RGS6: variants seen among roughly 807,000 people sequenced by gnomAD.
RGS6 encodes the protein regulator of G-protein signaling 6.
A neutral mutation model predicts 78.5 loss-of-function variants in RGS6; 30 were observed. The ratio of observed to expected loss-of-function variants is 0.38; its 90% CI spans 0.29 to 0.52. The LOEUF (loss-of-function observed/expected upper bound fraction) is 0.52, where lower values mean the gene tolerates loss of function less well. Among genes scored for constraint, RGS6 ranks in the 20% least tolerant of loss-of-function variants. The pLI is 0.85. For missense variants in RGS6, 495 were observed against 609.7 expected (o/e 0.81, Z 1.98); for synonymous variants, 206 against 206.0 (o/e 1.00, Z 0.00).
chr14:72,043,192 A>T (rs753322343), intron 2 of RGS6, among the ~76,000 whole-genome samples: 7 of 152,058 alleles, frequency 4.6e-5, no homozygotes, highest in South Asian at 2.1e-4. Flanking sequence ...CCTGATTCGT[A>T]GTCTGCATAG....
At chr14:72,459,593 G>C (rs1421116768) in intron 5 of RGS6, 39 bp from the exon 6 acceptor site, 1 of 1,610,508 alleles carries the variant, frequency 6.2e-7, no homozygotes, top group Non-Finnish European at 8.5e-7. Context: ...GCGCAGGCAT[G>C]GCGCGCCCCT....
chr14:71,978,873 G>T (rs965314869), intron 2 of RGS6, among the ~76,000 whole-genome samples: 2 of 146,762 alleles, frequency 1.4e-5, no homozygotes, highest in African/African-American at 5.0e-5. Context: ...GTAGAATTCC[G>T]CTGTGAATCC....
chr14:72,154,276 A>G (rs546628390), intron 2 of RGS6, among the ~76,000 whole-genome samples: 2 of 152,072 alleles, frequency 1.3e-5, no homozygotes, highest in East Asian at 1.9e-4. Context: ...CACTGATTTC[A>G]TATTGTTCAA....
chr14:72,195,122 C>G (rs1028774523), intron 2 of RGS6, among the ~76,000 whole-genome samples: 8 of 151,964 alleles, frequency 5.3e-5, no homozygotes, highest in African/African-American at 1.9e-4. Flanking sequence ...GCAGGAAAAT[C>G]GCTTGAGCCC....
rs540955704 is a variant in RGS6, at chr14:72,215,023, T to A, written c.85-137072T>A. ...TCTATTTTCTGGTCTATGACTGTCA[T>A]CAGGACACTGTGAAGCCTTTCCTTT... On this transcript the variant is annotated intron_variant, in intron 2 of 17. Coordinates refer to ENST00000553525, the MANE Select transcript of RGS6 (RefSeq NM_001204424.2). 8.9e-4 allele frequency among the ~76,000 whole-genome samples: 135 copies of A among 152,194 alleles called. 2 individuals carry two copies. The highest frequency in any genetic ancestry group is 6.8e-3 in the Middle Eastern group (2 of 294).
intron 3 of RGS6, among the ~76,000 whole-genome samples, chr14:72,357,046 G>A (rs771504863): frequency 4.6e-5 from 7 of 152,126 alleles, no homozygotes; most frequent in Non-Finnish European, 7.4e-5. Context: ...CATGGCAGGT[G>A]GATCATTTGA....
At chr14:72,292,343 C>T (rs1371547559) in intron 2 of RGS6, among the ~76,000 whole-genome samples, 1 of 152,168 alleles carries the variant, frequency 6.6e-6, no homozygotes, top group Non-Finnish European at 1.5e-5. Flanking sequence ...TCACACACAG[C>T]CAGAAGTGAC....
the RGS6 span, among the ~76,000 whole-genome samples, chr14:71,901,518 A>G: frequency 6.6e-6 from 1 of 152,170 alleles, no homozygotes; most frequent in Admixed American, 6.5e-5. Context: ...ATGGCTACCT[A>G]TTGGTCTTTC....
At chr14:71,970,755 C>T (rs926598658) in intron 2 of RGS6, among the ~76,000 whole-genome samples, 1 of 152,098 alleles carries the variant, frequency 6.6e-6, no homozygotes, top group African/African-American at 2.4e-5. Context: ...CTGAATGAGC[C>T]CACAGGCCAG....
chr14:72,057,248 A>AGGTTTCAG (rs925661999), intron 2 of RGS6, among the ~76,000 whole-genome samples: 5 of 132,894 alleles, frequency 3.8e-5, no homozygotes, highest in African/African-American at 1.4e-4. Context: ...TGGGAGGCAG[A>AGGTTTCAG]GGTTTCAGTG....
intron 3 of RGS6, among the ~76,000 whole-genome samples, chr14:72,399,400 TC>T (rs1207935814): frequency 6.6e-6 from 1 of 152,068 alleles, no homozygotes; most frequent in Admixed American, 6.6e-5. Context: ...TCTTCCTCCA[TC>T]CCTTTATTTT....
intron 3 of RGS6, among the ~76,000 whole-genome samples, chr14:72,415,008 A>G (rs955885593): frequency 6.6e-6 from 1 of 152,176 alleles, no homozygotes; most frequent in Non-Finnish European, 1.5e-5. Context: ...TCAGGGACCC[A>G]CTTGAGGAGG....
At chr14:72,016,977 AAT>A (rs2087153152) in intron 2 of RGS6, among the ~76,000 whole-genome samples, 1 of 152,074 alleles carries the variant, frequency 6.6e-6, no homozygotes, top group East Asian at 1.9e-4. Flanking sequence ...AGAATTTTGT[AAT>A]TTTTGCCATA....
chr14:72,041,098 ATTTATTTTAT>A (rs2092359798), intron 2 of RGS6, among the ~76,000 whole-genome samples: 1 of 151,730 alleles, frequency 6.6e-6, no homozygotes, highest in South Asian at 2.1e-4. Context: ...GCTTTTGGAG[ATTTATTTTAT>A]TCCTTTGATT....
intron 2 of RGS6, among the ~76,000 whole-genome samples, chr14:72,103,359 A>C (rs1246607769): frequency 6.6e-6 from 1 of 152,248 alleles, no homozygotes; most frequent in Non-Finnish European, 1.5e-5. Context: ...ATGATTTTTA[A>C]ATTAACTTTT....
intron 2 of RGS6, among the ~76,000 whole-genome samples, chr14:72,253,057 G>A (rs1028784294): frequency 3.9e-5 from 6 of 152,218 alleles, no homozygotes; most frequent in African/African-American, 1.4e-4. Flanking sequence ...AGTGACTTAC[G>A]GTGCTTCCTT....
intron 3 of RGS6, among the ~76,000 whole-genome samples, chr14:72,391,517 C>A (rs1018059607): frequency 6.6e-6 from 1 of 152,184 alleles, no homozygotes; most frequent in African/African-American, 2.4e-5. Flanking sequence ...AGCTCCAAGC[C>A]TTAAATTCCT....
At chr14:72,370,723 A>T (rs901531408) in intron 3 of RGS6, among the ~76,000 whole-genome samples, 6 of 152,286 alleles carry the variant, frequency 3.9e-5, no homozygotes, top group African/African-American at 1.4e-4. Flanking sequence ...TTGAAAAAAA[A>T]ATTTTTTAAC....
intron 2 of RGS6, among the ~76,000 whole-genome samples, chr14:72,123,556 T>A (rs2096111548): frequency 6.6e-6 from 1 of 152,190 alleles, no homozygotes; most frequent in Non-Finnish European, 1.5e-5. Flanking sequence ...AATGAAAGTG[T>A]GACTAGCACA....
Sources: gnomAD v4.1 joint callset for allele counts (sites outside exome capture counted in the v4.1 genomes callset) on GRCh38, gnomAD v4.1.1 for gene constraint, MANE v1.5 for transcripts, NCBI Gene and HGNC (gene_info 2026-07-23, HGNC 2026-07-21) for gene names.